WASHC2C: variants seen among roughly 807,000 people sequenced by gnomAD.
WASHC2C encodes Vaccinia Penetration Factor.
A neutral mutation model predicts 142.2 loss-of-function variants in WASHC2C; 73 were observed. The observed-to-expected ratio is 0.51, with a 90% confidence interval of 0.43 to 0.62. The LOEUF (loss-of-function observed/expected upper bound fraction) is 0.62, where lower values mean the gene tolerates loss of function less well. WASHC2C is among the 20% of genes least tolerant of loss of function. The probability of loss-of-function intolerance (pLI) is 0.00; values close to 1 mark genes in which losing one functional copy is unlikely to be tolerated. For missense variants in WASHC2C, 969 were observed against 1,531.7 expected, an observed-to-expected ratio of 0.63 and a Z score of 6.13; for synonymous variants, 337 against 565.5, an observed-to-expected ratio of 0.60 and a Z score of 5.73.
At position 45,752,628 on chromosome 10, in the gene WASHC2C, C is replaced by G. The variant is rs782097204; in HGVS notation, c.1044C>G (p.Asp348Glu). ...TATTCGCACCCCCCAAGCTGACCGACGAGGACTTCTCGCCATTTGGCTCTG... is the reference window on the plus strand; with the variant it reads ...TATTCGCACCCCCCAAGCTGACCGAGGAGGACTTCTCGCCATTTGGCTCTG... ...DNLFAPPKLT[D>E]EDFSPFGSGG... Residue 348 changes from aspartate to glutamate, a missense_variant, in exon 12 of 31, where the codon GAC becomes GAG. Coordinates refer to ENST00000623400, the MANE Select transcript of WASHC2C (RefSeq NM_001330074.2). 4 of 1,609,876 alleles carry G rather than the reference C, an allele frequency of 2.5e-6. No homozygotes were observed. In the South Asian group the frequency reaches 4.4e-5, roughly 18 times the overall value.
intron 3 of WASHC2C, among the ~76,000 whole-genome samples, chr10:45,733,884 G>C (rs1382882516): frequency 2.6e-5 from 4 of 152,132 alleles, no homozygotes; most frequent in African/African-American, 9.7e-5. Context: ...TCAACGTTTA[G>C]CACATATATT....
chr10:45,742,962 T>C (rs1308184801), intron 5 of WASHC2C, among the ~76,000 whole-genome samples: 1 of 151,002 alleles, frequency 6.6e-6, no homozygotes, highest in African/African-American at 2.4e-5. Flanking sequence ...TGCAACACTG[T>C]TTCCTGGGTT....
At chr10:45,780,535 G>A (rs563265127) in intron 23 of WASHC2C, among the ~76,000 whole-genome samples, 3 of 152,118 alleles carry the variant, frequency 2.0e-5, no homozygotes, top group African/African-American at 7.2e-5. Flanking sequence ...GAAATAAAAG[G>A]CATTCAGATT....
chr10:45,758,213 C>G (rs1362682461), intron 16 of WASHC2C, among the ~76,000 whole-genome samples: 4 of 152,200 alleles, frequency 2.6e-5, no homozygotes, highest in Non-Finnish European at 5.9e-5. Context: ...GATCACCTCC[C>G]AAGACACATC....
chr10:45,747,283 G>C (rs1589670258), intron 8 of WASHC2C, among the ~76,000 whole-genome samples: 2 of 151,974 alleles, frequency 1.3e-5, no homozygotes, highest in Middle Eastern at 3.2e-3. Flanking sequence ...TGGCATTACA[G>C]GTGCCCACCA....
At chr10:45,775,970 G>C (rs1230076218) in intron 21 of WASHC2C, among the ~76,000 whole-genome samples, 1 of 152,086 alleles carries the variant, frequency 6.6e-6, no homozygotes, top group Non-Finnish European at 1.5e-5. Flanking sequence ...GTGAGCCACC[G>C]TGCCCGGCCT....
At chr10:45,747,872 A>C (rs1240805621) in intron 8 of WASHC2C, among the ~76,000 whole-genome samples, 1 of 150,012 alleles carries the variant, frequency 6.7e-6, no homozygotes, top group Non-Finnish European at 1.5e-5. Context: ...GGTATGAGCC[A>C]CCACGCCCAG....
At chr10:45,727,088 C>G, upstream of WASHC2C, 1 of 1,341,342 alleles carries the variant, frequency 7.5e-7, no homozygotes, top group South Asian at 1.6e-5. Flanking sequence ...TATCCTCCAG[C>G]TTCCTCCGCC....
intron 15 of WASHC2C, among the ~76,000 whole-genome samples, chr10:45,755,585 C>G (rs1589735803): frequency 6.6e-6 from 1 of 152,422 alleles, no homozygotes; most frequent in East Asian, 1.9e-4. Context: ...ATTCTCCTCT[C>G]TTTTCCTCTT....
At chr10:45,785,478 A>T (rs1554889627) in intron 25 of WASHC2C, 31 bp from the exon 26 acceptor site, 2 of 1,610,640 alleles carry the variant, frequency 1.2e-6, no homozygotes, top group Non-Finnish European at 1.7e-6. Flanking sequence ...AAGATATTTG[A>T]TGCCTTTTTG....
At position 45,790,629 on chromosome 10, in the gene WASHC2C, T is replaced by C. The variant is rs2058340098; in HGVS notation, c.3886+96T>C. The stretch of plus-strand genomic sequence containing the variant: ...CTTTTCTTGGCCCTTTTCTGGAAAA[T>C]GCACCCCAGCGGGTTCACTTCAGTG... On this transcript the variant is annotated intron_variant, in intron 30 of 30. Coordinates refer to ENST00000623400, the MANE Select transcript of WASHC2C (RefSeq NM_001330074.2). 9 of 1,576,056 alleles carry C rather than the reference T, an allele frequency of 5.7e-6. 1 individual carries two copies. The highest frequency in any genetic ancestry group is 5.6e-5 in the South Asian group (5 of 89,666).
At chr10:45,764,685 C>G (rs1186650662) in intron 18 of WASHC2C, among the ~76,000 whole-genome samples, 3 of 152,178 alleles carry the variant, frequency 2.0e-5, no homozygotes, top group Non-Finnish European at 4.4e-5. Context: ...CCAGCTCCAC[C>G]ACTTGCAAAC....
rs1235995597 is a variant in WASHC2C, at chr10:45,786,513, G to A, written c.2812-99G>A. 16 of 1,214,660 alleles carry A rather than the reference G, an allele frequency of 1.3e-5. No homozygotes were observed. In the African/African-American group the frequency reaches 1.5e-4, roughly 11 times the overall value. The allele number at this position is 1,214,660 out of a possible 1,614,324, so 75.2% of individuals were successfully genotyped here. Reference sequence around the variant, plus strand: ...CTTTCCCATTAAAGAGCTACAGAAAGTGACAGTTTTGCTCCATCACAGATT... The same window carrying A: ...CTTTCCCATTAAAGAGCTACAGAAAATGACAGTTTTGCTCCATCACAGATT... On this transcript the variant is annotated intron_variant, in intron 26 of 30. Coordinates refer to ENST00000623400, the MANE Select transcript of WASHC2C (RefSeq NM_001330074.2).
At chr10:45,745,369 C>T (rs1295988537) in intron 7 of WASHC2C, among the ~76,000 whole-genome samples, 13 of 152,244 alleles carry the variant, frequency 8.5e-5, no homozygotes, top group African/African-American at 2.9e-4. Context: ...AATTTCATTT[C>T]CTTGTCTAGA....
intron 3 of WASHC2C, among the ~76,000 whole-genome samples, chr10:45,734,040 G>A (rs1250174589): frequency 3.9e-5 from 6 of 152,034 alleles, no homozygotes; most frequent in South Asian, 2.1e-4. Context: ...TGACTAACAC[G>A]GTGAAGCTCC....
At chr10:45,758,151 G>T (rs1253357679) in intron 16 of WASHC2C, among the ~76,000 whole-genome samples, 1 of 151,956 alleles carries the variant, frequency 6.6e-6, no homozygotes, top group Non-Finnish European at 1.5e-5. Context: ...TAGATTCAGG[G>T]TGAGAAGTTT....
In WASHC2C at chr10:45,792,322, G is replaced by A. The variant is rs1435824301; in HGVS notation, c.3948G>A (p.Gln1316=). The stretch of plus-strand genomic sequence containing the variant: ...CCAAACCAAAAAGCCGATCTGCACA[G>A]GCCGCACCTGAACCAAGATTTGAAC... The part of the protein sequence containing the change: ...KTTKPKSRSA[Q]AAPEPRFEHK... The change falls in exon 31 of 31, where the codon CAG becomes CAA. Residue 1316 remains glutamine, a synonymous_variant. Coordinates refer to ENST00000623400, the MANE Select transcript of WASHC2C (RefSeq NM_001330074.2). 2.6e-6 allele frequency: 4 copies of A among 1,565,178 alleles called. No individual in the cohort carries two copies. In the African/African-American group the frequency reaches 4.1e-5, roughly 16 times the overall value.
In WASHC2C at chr10:45,759,544, G is replaced by A. The variant is rs573305761; in HGVS notation, c.1635+143G>A. ...TTTAAAAATTATCTCTAGAGGCAAG[G>A]AGTGGTGGTTCATGCCTGTAATCCC... is the stretch of plus-strand genomic sequence containing the variant. On this transcript the variant is annotated intron_variant, in intron 17 of 30. Coordinates refer to ENST00000623400, the MANE Select transcript of WASHC2C (RefSeq NM_001330074.2). The A allele has an allele frequency of 4.8e-4, 709 of 1,473,778 alleles. 6 individuals carry two copies. Among genetic ancestry groups the A allele is most frequent in the Middle Eastern group, 3.7e-3 (15 of 4,038 alleles). 91.3% of individuals were successfully genotyped at this position (1,473,778 alleles called of 1,614,324 possible).
Position 45,790,444 on chromosome 10 carries a change from A to G in WASHC2C, c.3797A>G (p.Asn1266Ser). 1 of 1,611,030 alleles carries G rather than the reference A, an allele frequency of 6.2e-7. No individual in the cohort carries two copies. The highest frequency in any genetic ancestry group is 2.2e-5 in the East Asian group (1 of 44,868). The change falls in exon 30 of 31, where the codon AAC (asparagine) becomes AGC (serine). Residue 1266 changes from asparagine to serine, a missense_variant. Coordinates refer to ENST00000623400, the MANE Select transcript of WASHC2C (RefSeq NM_001330074.2). ...KTLESNLFDDNIDIFADLTVK... is the reference protein window; with the variant it reads ...KTLESNLFDDSIDIFADLTVK... Reference sequence around the variant, plus strand: ...TTGGAATCTAATTTATTTGATGATAACATTGATATCTTTGCTGACTTAACT... The same window carrying G: ...TTGGAATCTAATTTATTTGATGATAGCATTGATATCTTTGCTGACTTAACT...
Sources: gnomAD v4.1 joint callset for allele counts (sites outside exome capture counted in the v4.1 genomes callset) on GRCh38, gnomAD v4.1.1 for gene constraint, MANE v1.5 for transcripts, NCBI Gene and HGNC (gene_info 2026-07-23, HGNC 2026-07-21) for gene names.